Variants in BNC2 observed in about 807,000 individuals in gnomAD.
BNC2 encodes basonuclin zinc finger protein 2.
BNC2 carries 20 observed loss-of-function variants against 76.3 expected under a neutral mutation model. That is an observed-to-expected ratio of 0.26 (90% CI 0.18 to 0.38). The LOEUF (loss-of-function observed/expected upper bound fraction) is 0.38, where lower values mean the gene tolerates loss of function less well. BNC2 is among the 10% of genes least tolerant of loss of function. BNC2 has a pLI of 1.00. For missense variants in BNC2, 1,382 were observed against 1,399.8 expected, an observed-to-expected ratio of 0.99 and a Z score of 0.20; for synonymous variants, 582 against 514.8, an observed-to-expected ratio of 1.13 and a Z score of -1.77.
chr9:16,835,450 G>C (rs1308485736), intron 1 of BNC2, among the ~76,000 whole-genome samples: 2 of 152,170 alleles, frequency 1.3e-5, no homozygotes, highest in African/African-American at 2.4e-5. Flanking sequence ...TGTAATCCCA[G>C]CACTTTGGGA....
At chr9:16,749,538 A>G (rs1313838176) in intron 1 of BNC2, among the ~76,000 whole-genome samples, 1 of 152,130 alleles carries the variant, frequency 6.6e-6, no homozygotes, top group African/African-American at 2.4e-5. Context: ...CATCGCTACA[A>G]AAAAATTAAA....
At chr9:16,789,301 G>A (rs1042555707) in intron 1 of BNC2, among the ~76,000 whole-genome samples, 5 of 151,952 alleles carry the variant, frequency 3.3e-5, no homozygotes, top group Non-Finnish European at 4.4e-5. Context: ...TGTCACGGTG[G>A]CCATGGCACT....
intron 1 of BNC2, among the ~76,000 whole-genome samples, chr9:16,841,378 T>C (rs1206882461): frequency 6.6e-6 from 1 of 152,228 alleles, no homozygotes; most frequent in Non-Finnish European, 1.5e-5. Flanking sequence ...TTTCTATACC[T>C]ACACTGCCTA....
chr9:16,465,866 A>G (rs914792535), intron 5 of BNC2, among the ~76,000 whole-genome samples: 1 of 151,734 alleles, frequency 6.6e-6, no homozygotes, highest in Non-Finnish European at 1.5e-5. Context: ...AGGGTATTCA[A>G]TTAGGAAAAG....
At chr9:16,737,313 C>A (rs957582903) in intron 2 of BNC2, among the ~76,000 whole-genome samples, 1 of 131,610 alleles carries the variant, frequency 7.6e-6, no homozygotes, top group African/African-American at 2.8e-5. Flanking sequence ...TGCAGTGGCG[C>A]AATCTTGGCT....
chr9:16,628,483 T>A (rs1308995029), intron 3 of BNC2, among the ~76,000 whole-genome samples: 1 of 152,194 alleles, frequency 6.6e-6, no homozygotes, highest in Non-Finnish European at 1.5e-5. Flanking sequence ...GCCTTCCACA[T>A]GCATCTTTTG....
chr9:16,793,360 G>A (rs1817563079), intron 1 of BNC2, among the ~76,000 whole-genome samples: 1 of 152,108 alleles, frequency 6.6e-6, no homozygotes, highest in African/African-American at 2.4e-5. Context: ...AAACACGAAT[G>A]TATTTACCCC....
intron 1 of BNC2, among the ~76,000 whole-genome samples, chr9:16,811,049 T>C (rs1033022191): frequency 1.3e-5 from 2 of 151,618 alleles, no homozygotes; most frequent in African/African-American, 4.9e-5. Flanking sequence ...AAACCCCGTC[T>C]CTACTAAAAA....
intron 1 of BNC2, chr9:16,832,104 G>C (rs374820098): frequency 8.9e-6 from 2 of 224,168 alleles, no homozygotes; most frequent in Admixed American, 5.9e-5. Context: ...AGCTGGCTAT[G>C]AGTAAAATAC....
chr9:16,527,767 T>C (rs915354701), intron 5 of BNC2, among the ~76,000 whole-genome samples: 7 of 152,164 alleles, frequency 4.6e-5, no homozygotes, highest in Non-Finnish European at 8.8e-5. Context: ...TGCCACAAAC[T>C]GTAGAATTCA....
At chr9:16,461,066 T>C (rs1381302243) in intron 5 of BNC2, among the ~76,000 whole-genome samples, 1 of 152,146 alleles carries the variant, frequency 6.6e-6, no homozygotes, top group Non-Finnish European at 1.5e-5. Flanking sequence ...TATTCATTTT[T>C]AATTACTAGA....
intron 5 of BNC2, among the ~76,000 whole-genome samples, chr9:16,496,795 G>C (rs543441033): frequency 6.0e-4 from 91 of 152,252 alleles, no homozygotes; most frequent in African/African-American, 2.1e-3. Context: ...CCAGGCTATG[G>C]TGAGAAAACC....
At chr9:16,446,808 C>T (rs1821241389) in intron 5 of BNC2, among the ~76,000 whole-genome samples, 1 of 151,764 alleles carries the variant, frequency 6.6e-6, no homozygotes, top group Non-Finnish European at 1.5e-5. Flanking sequence ...TGGGGTACAA[C>T]ATATTTAATC....
intron 3 of BNC2, among the ~76,000 whole-genome samples, chr9:16,651,811 T>G (rs1289891025): frequency 6.6e-6 from 1 of 152,142 alleles, no homozygotes; most frequent in Non-Finnish European, 1.5e-5. Flanking sequence ...AACTGACACT[T>G]TCAAAAGCAA....
intron 3 of BNC2, among the ~76,000 whole-genome samples, chr9:16,719,686 C>T (rs1327636055): frequency 1.3e-5 from 2 of 152,172 alleles, no homozygotes; most frequent in Admixed American, 6.5e-5. Context: ...CCTTGTGAGA[C>T]AATGGGTTAA....
chr9:16,616,409 A>G (rs928910681), intron 3 of BNC2, among the ~76,000 whole-genome samples: 4 of 150,150 alleles, frequency 2.7e-5, no homozygotes, highest in African/African-American at 9.8e-5. Flanking sequence ...AAAATAAAAT[A>G]AAAGAGGCCA....
At chr9:16,631,795 G>A (rs1321210118) in intron 3 of BNC2, among the ~76,000 whole-genome samples, 1 of 152,106 alleles carries the variant, frequency 6.6e-6, no homozygotes, top group Non-Finnish European at 1.5e-5. Context: ...GATTTCCAGA[G>A]AAACAGAAGA....
At chr9:16,819,813 A>AT (rs10646871) in intron 1 of BNC2, among the ~76,000 whole-genome samples, 63,771 of 149,980 alleles carry the variant, frequency 0.43, 15,314 homozygotes, top group Non-Finnish European at 0.57. Context: ...TGAGATATGT[A>AT]TTTTTTTTTT....
chr9:16,711,019 A>G (rs918662283), intron 3 of BNC2, among the ~76,000 whole-genome samples: 1 of 152,122 alleles, frequency 6.6e-6, no homozygotes, highest in Non-Finnish European at 1.5e-5. Flanking sequence ...GCTCTTGGCC[A>G]TCACTGCTGT....
Sources: gnomAD v4.1 joint callset for allele counts (sites outside exome capture counted in the v4.1 genomes callset) on GRCh38, gnomAD v4.1.1 for gene constraint, MANE v1.5 for transcripts, NCBI Gene and HGNC (gene_info 2026-07-23, HGNC 2026-07-21) for gene names.